HSF2BP: variants seen among roughly 807,000 people sequenced by gnomAD.
The protein encoded by HSF2BP is heat shock transcription factor 2 binding protein, also known as heat shock factor 2-binding protein.
HSF2BP carries 35 observed loss-of-function variants against 35.0 expected under a neutral mutation model. The observed-to-expected ratio is 1.00, with a 90% CI of 0.76 to 1.32. HSF2BP has a LOEUF of 1.32. Among genes scored for constraint, HSF2BP ranks in the 40% most tolerant of loss-of-function variants. The pLI is 0.00. For missense variants in HSF2BP, 326 were observed against 321.7 expected (o/e 1.01, Z -0.10); for synonymous variants, 114 against 117.4 (o/e 0.97, Z 0.18).
intron 3 of HSF2BP, among the ~76,000 whole-genome samples, chr21:43,652,365 T>C (rs1228441243): frequency 1.5e-5 from 2 of 137,564 alleles, no homozygotes; most frequent in African/African-American, 5.6e-5. Flanking sequence ...ATCACACCAC[T>C]GCACTCCAGC....
At chr21:43,605,447 C>A (rs1017999930) in intron 7 of HSF2BP, among the ~76,000 whole-genome samples, 1 of 142,794 alleles carries the variant, frequency 7.0e-6, no homozygotes, top group East Asian at 2.6e-4. Context: ...ATACACACAC[C>A]CCCACATATG....
chr21:43,573,836 T>A (rs1407147008), intron 8 of HSF2BP, among the ~76,000 whole-genome samples: 1 of 152,170 alleles, frequency 6.6e-6, no homozygotes, highest in Non-Finnish European at 1.5e-5. Context: ...CTCATCTGCA[T>A]CCAGCTCCCC....
chr21:43,611,570 A>T (rs956819823), intron 7 of HSF2BP, among the ~76,000 whole-genome samples: 1 of 152,208 alleles, frequency 6.6e-6, no homozygotes, highest in African/African-American at 2.4e-5. Flanking sequence ...GGGAGCTCCA[A>T]AACCCAAAAG....
At chr21:43,642,552 G>A (rs1295581288) in intron 4 of HSF2BP, among the ~76,000 whole-genome samples, 1 of 152,094 alleles carries the variant, frequency 6.6e-6, no homozygotes, top group African/African-American at 2.4e-5. Context: ...TCACCTTGCA[G>A]GAGCTTCCCT....
intron 8 of HSF2BP, among the ~76,000 whole-genome samples, chr21:43,589,662 C>T (rs1375376957): frequency 1.3e-5 from 2 of 151,960 alleles, no homozygotes; most frequent in Admixed American, 1.3e-4. Context: ...CATAATGATC[C>T]AAAAATAGAT....
intron 4 of HSF2BP, among the ~76,000 whole-genome samples, chr21:43,642,595 T>C (rs2082651997): frequency 6.6e-6 from 1 of 152,162 alleles, no homozygotes; most frequent in Non-Finnish European, 1.5e-5. Context: ...TCCCTCTGTA[T>C]TCACCTTGCA....
chr21:43,656,857 T>C (rs2082877243), intron 2 of HSF2BP, 120 bp from the exon 3 acceptor site: 2 of 762,816 alleles, frequency 2.6e-6, no homozygotes, highest in Non-Finnish European at 4.4e-6. Context: ...ATCATGTCTC[T>C]ACCTACTGTA....
intron 7 of HSF2BP, among the ~76,000 whole-genome samples, chr21:43,596,229 A>G (rs1568897405): frequency 6.6e-6 from 1 of 152,196 alleles, no homozygotes; most frequent in Non-Finnish European, 1.5e-5. Flanking sequence ...CCACCACATA[A>G]TTAAGTTAAA....
chr21:43,495,820 C>T, the HSF2BP span, among the ~76,000 whole-genome samples: 1 of 108,654 alleles, frequency 9.2e-6, no homozygotes, highest in Admixed American at 9.1e-5. Context: ...AAAGCTGCTA[C>T]CACTTGCTTT....
intron 6 of HSF2BP, among the ~76,000 whole-genome samples, chr21:43,625,135 C>T (rs1366332040): frequency 1.3e-5 from 2 of 152,082 alleles, no homozygotes; most frequent in East Asian, 3.9e-4. Flanking sequence ...GCTTAGGATA[C>T]AGAAAACTGG....
chr21:43,587,767 C>G (rs1762048210), intron 8 of HSF2BP, among the ~76,000 whole-genome samples: 1 of 151,672 alleles, frequency 6.6e-6, no homozygotes, highest in South Asian at 2.1e-4. Flanking sequence ...TATCCATAAG[C>G]CAAAGCTTAA....
intron 6 of HSF2BP, among the ~76,000 whole-genome samples, chr21:43,614,329 C>T (rs1385299390): frequency 1.3e-5 from 2 of 150,124 alleles, no homozygotes; most frequent in Admixed American, 1.3e-4. Flanking sequence ...TGACACTGCA[C>T]TCCAGCCTGG....
chr21:43,614,011 C>T (rs953493805), intron 6 of HSF2BP, 64 bp from the exon 7 acceptor site: 51 of 1,162,634 alleles, frequency 4.4e-5, no homozygotes, highest in Non-Finnish European at 5.6e-5. Flanking sequence ...CAATTTTGTG[C>T]AGAACAGAGT....
chr21:43,619,900 C>T (rs889411016), intron 6 of HSF2BP, among the ~76,000 whole-genome samples: 9 of 152,200 alleles, frequency 5.9e-5, no homozygotes, highest in Non-Finnish European at 1.3e-4. Flanking sequence ...CCCACAGGTC[C>T]CCTGGGCACA....
intron 6 of HSF2BP, among the ~76,000 whole-genome samples, chr21:43,628,337 A>T (rs904960048): frequency 6.6e-6 from 1 of 152,254 alleles, no homozygotes; most frequent in African/African-American, 2.4e-5. Flanking sequence ...AATGATAAGA[A>T]CGCAAAACAG....
chr21:43,618,068 T>C (rs182894240), intron 6 of HSF2BP, among the ~76,000 whole-genome samples: 88 of 152,176 alleles, frequency 5.8e-4, no homozygotes, highest in African/African-American at 2.0e-3. Context: ...AGATGAGTCT[T>C]AGGCAACATA....
chr21:43,648,984 T>C (rs1183937449), intron 3 of HSF2BP, among the ~76,000 whole-genome samples: 2 of 152,226 alleles, frequency 1.3e-5, no homozygotes, highest in East Asian at 3.8e-4. Flanking sequence ...AAATTCCTGT[T>C]ATCTCTCTTT....
At chr21:43,596,341 G>A (rs1381372043) in intron 7 of HSF2BP, among the ~76,000 whole-genome samples, 1 of 151,840 alleles carries the variant, frequency 6.6e-6, no homozygotes, top group Non-Finnish European at 1.5e-5. Flanking sequence ...TTGGGAAACT[G>A]AACAAGAATG....
intron 6 of HSF2BP, among the ~76,000 whole-genome samples, chr21:43,629,579 A>G (rs2082429622): frequency 6.6e-6 from 1 of 152,202 alleles, no homozygotes; most frequent in Non-Finnish European, 1.5e-5. Flanking sequence ...GGAGGAGGTC[A>G]AAATAACAAC....
Sources: gnomAD v4.1 joint callset for allele counts (sites outside exome capture counted in the v4.1 genomes callset) on GRCh38, gnomAD v4.1.1 for gene constraint, MANE v1.5 for transcripts, NCBI Gene and HGNC (gene_info 2026-07-23, HGNC 2026-07-21) for gene names.